The following RAB8B variants were observed in gnomAD, a reference collection of about 807,000 sequenced individuals.
RAB8B encodes ras-related protein Rab-8B.
RAB8B carries 11 observed loss-of-function variants against 32.0 expected under a neutral mutation model. The observed-to-expected ratio is 0.34, with a 90% CI of 0.22 to 0.57. RAB8B has a LOEUF of 0.57. Ranked by LOEUF, RAB8B falls within the 20% of genes least tolerant of loss-of-function variation. The pLI, the probability that RAB8B is intolerant of heterozygous loss-of-function variation, is 0.86. For missense variants in RAB8B, 190 were observed against 258.5 expected, an observed-to-expected ratio of 0.73 and a Z score of 1.82; for synonymous variants, 103 against 89.6, an observed-to-expected ratio of 1.15 and a Z score of -0.85.
chr15:63,243,523 G>A (rs2038048484), intron 1 of RAB8B, among the ~76,000 whole-genome samples: 1 of 152,128 alleles, frequency 6.6e-6, no homozygotes, highest in Non-Finnish European at 1.5e-5. Flanking sequence ...ATAGTGGGGG[G>A]AAATACGTGA....
chr15:63,237,121 A>G (rs1002902034), intron 1 of RAB8B, among the ~76,000 whole-genome samples: 1 of 152,172 alleles, frequency 6.6e-6, no homozygotes, highest in Non-Finnish European at 1.5e-5. Flanking sequence ...GTGTATATGT[A>G]CCACATTTTC....
At chr15:63,249,830 CAA>C (rs920141869) in intron 3 of RAB8B, 125 bp downstream of exon 3, 2 of 1,080,024 alleles carry the variant, frequency 1.9e-6, no homozygotes, top group Non-Finnish European at 2.6e-6. Flanking sequence ...GATGGGGAAA[CAA>C]GACATTTAAA....
intron 1 of RAB8B, among the ~76,000 whole-genome samples, chr15:63,204,468 G>A (rs2037680808): frequency 6.6e-6 from 1 of 152,154 alleles, no homozygotes; most frequent in South Asian, 2.1e-4. Flanking sequence ...AGAACACCCT[G>A]TCTAGAAGGG....
chr15:63,208,642 G>A (rs1221135349), intron 1 of RAB8B, among the ~76,000 whole-genome samples: 1 of 151,948 alleles, frequency 6.6e-6, no homozygotes, highest in African/African-American at 2.4e-5. Flanking sequence ...GCCCAGAATG[G>A]CAGGTTCCAA....
Position 63,266,401 on chromosome 15 carries a change from TA to T in RAB8B, c.*2784del, listed in dbSNP as rs1454754511. ...TTACTTCAGACAGATTATGATACAATAATCTACCTGTGCATCAGTTAGTAGG... is the reference window on the plus strand; with the variant it reads ...TTACTTCAGACAGATTATGATACAATATCTACCTGTGCATCAGTTAGTAGG... On this transcript the variant is annotated 3_prime_UTR_variant, in exon 8 of 8. Transcript: ENST00000321437. 2.0e-5 allele frequency: 3 copies of T among 152,628 alleles called. No individual in the cohort carries two copies. Among genetic ancestry groups the T allele is most frequent in the African/African-American group, 7.2e-5 (3 of 41,466 alleles). The allele number at this position is 152,628 out of a possible 1,614,324, so 9.5% of individuals were successfully genotyped here.
At position 63,263,632 on chromosome 15, in the gene RAB8B, G is replaced by A. The variant is rs1374467067; in HGVS notation, c.*13G>A. The A allele has an allele frequency of 6.3e-7, 1 of 1,585,304 alleles. No individual in the cohort carries two copies. The highest frequency in any genetic ancestry group is 1.1e-5 in the South Asian group (1 of 90,388). On this transcript the variant is annotated 3_prime_UTR_variant, in exon 8 of 8. Transcript: ENST00000321437. ...CTCGCTACTTTGATGAACTCTTTCT[G>A]AGAGACTGCAGCACACCTAGAGGGC...
At chr15:63,201,267 A>G (rs1239755665) in intron 1 of RAB8B, among the ~76,000 whole-genome samples, 1 of 152,212 alleles carries the variant, frequency 6.6e-6, no homozygotes, top group Non-Finnish European at 1.5e-5. Context: ...TCTCCGTGTT[A>G]TGAAAGTGTG....
At chr15:63,247,785 G>C (rs766310723) in intron 2 of RAB8B, among the ~76,000 whole-genome samples, 1 of 152,158 alleles carries the variant, frequency 6.6e-6, no homozygotes, top group African/African-American at 2.4e-5. Context: ...TTCTTTTATA[G>C]AGAAGGAAAC....
At chr15:63,223,812 GT>G (rs1366207309) in intron 1 of RAB8B, 2 of 400,618 alleles carry the variant, frequency 5.0e-6, no homozygotes, top group Non-Finnish European at 1.0e-5. Context: ...CAAAAAAGGA[GT>G]TTTTCTTTTG....
Position 63,189,616 on chromosome 15 carries a change from A to C in RAB8B, c.-9A>C. On this transcript the variant is annotated 5_prime_UTR_variant, in exon 1 of 8. Coordinates refer to ENST00000321437, the MANE Select transcript of RAB8B (RefSeq NM_016530.3). The stretch of plus-strand genomic sequence containing the variant: ...TCTGGCTCCCCGGTCAGAGGGCCGG[A>C]GCGAGAAGATGGCGAAGACGTACGA... The C allele has an allele frequency of 6.2e-7, 1 of 1,612,902 alleles. No homozygotes were observed. The highest frequency in any genetic ancestry group is 8.5e-7 in the Non-Finnish European group (1 of 1,179,394).
Position 63,266,107 on chromosome 15 carries a change from G to T in RAB8B, c.*2488G>T, listed in dbSNP as rs1157914297. On this transcript the variant is annotated 3_prime_UTR_variant, in exon 8 of 8. Transcript: ENST00000321437. The stretch of plus-strand genomic sequence containing the variant: ...TAGATGAATTTAATGACAGATAATT[G>T]TCTGTTCCCCGCTGAAACTGAAGAA... 6.6e-6 allele frequency: 1 copy of T among 152,452 alleles called. No homozygotes were observed. The highest frequency in any genetic ancestry group is 2.1e-4 in the South Asian group (1 of 4,828). The allele number at this position is 152,452 out of a possible 1,614,324, so 9.4% of individuals were successfully genotyped here.
chr15:63,223,362 T>C (rs1020676231), intron 1 of RAB8B, among the ~76,000 whole-genome samples: 1 of 152,070 alleles, frequency 6.6e-6, no homozygotes, highest in Non-Finnish European at 1.5e-5. Context: ...TCCACTTGCC[T>C]CGGCCCCAAA....
intron 1 of RAB8B, among the ~76,000 whole-genome samples, chr15:63,200,525 C>T (rs141401015): frequency 0.011 from 1,699 of 152,078 alleles, 36 homozygotes; most frequent in African/African-American, 0.039. Flanking sequence ...CAGTGGCTCA[C>T]GCATGCAATC....
chr15:63,207,996 G>A (rs2588862), intron 1 of RAB8B, among the ~76,000 whole-genome samples: 35,111 of 152,128 alleles, frequency 0.23, 4,376 homozygotes, highest in Admixed American at 0.32. Context: ...AGCACTTCCA[G>A]TCTCATTTGG....
chr15:63,250,639 A>C (rs2038110238), intron 3 of RAB8B, among the ~76,000 whole-genome samples: 1 of 151,968 alleles, frequency 6.6e-6, no homozygotes, highest in Non-Finnish European at 1.5e-5. Context: ...AGTGGTGAGT[A>C]AGGCAGCTTG....
At chr15:63,229,568 G>A (rs1483890229) in intron 1 of RAB8B, among the ~76,000 whole-genome samples, 1 of 152,110 alleles carries the variant, frequency 6.6e-6, no homozygotes, top group Non-Finnish European at 1.5e-5. Context: ...GATTGCCTGA[G>A]GTCAGGAGTT....
intron 1 of RAB8B, among the ~76,000 whole-genome samples, chr15:63,234,406 T>A (rs2037961095): frequency 6.6e-6 from 1 of 152,142 alleles, no homozygotes; most frequent in South Asian, 2.1e-4. Context: ...TGTAAAAGAG[T>A]CTTGTCAATC....
At chr15:63,207,626 C>T (rs2037709610) in intron 1 of RAB8B, among the ~76,000 whole-genome samples, 2 of 151,798 alleles carry the variant, frequency 1.3e-5, no homozygotes, top group South Asian at 4.2e-4. Flanking sequence ...GTGGCGTGAT[C>T]TCGGCTCACT....
At chr15:63,221,419 A>C (rs1163339401) in intron 1 of RAB8B, among the ~76,000 whole-genome samples, 2 of 152,220 alleles carry the variant, frequency 1.3e-5, no homozygotes, top group African/African-American at 4.8e-5. Flanking sequence ...TATTATAAGC[A>C]AAAAGCTTGA....
Sources: gnomAD v4.1 joint callset for allele counts (sites outside exome capture counted in the v4.1 genomes callset) on GRCh38, gnomAD v4.1.1 for gene constraint, MANE v1.5 for transcripts, NCBI Gene and HGNC (gene_info 2026-07-23, HGNC 2026-07-21) for gene names.